The following CACUL1 variants were observed in gnomAD, a reference collection of about 807,000 sequenced individuals.
The protein encoded by CACUL1 is CDK2-associated and cullin domain-containing protein 1.
Under a neutral mutation model 45.2 loss-of-function variants are expected in CACUL1, and 13 were observed. The ratio of observed to expected loss-of-function variants is 0.29; its 90% confidence interval spans 0.19 to 0.46. The LOEUF (loss-of-function observed/expected upper bound fraction) is 0.46. Among genes scored for constraint, CACUL1 ranks in the 20% least tolerant of loss-of-function variants. The pLI is 1.00. For synonymous variants in CACUL1, 197 were observed against 174.2 expected (o/e 1.13, Z -1.03); for missense variants, 421 against 471.4 (o/e 0.89, Z 0.99).
At chr10:118,739,339 G>C (rs1845770776) in intron 1 of CACUL1, among the ~76,000 whole-genome samples, 2 of 151,872 alleles carry the variant, frequency 1.3e-5, no homozygotes, top group Non-Finnish European at 2.9e-5. Flanking sequence ...TAATTCCAGA[G>C]AAAACAGAAC....
rs1845158932 is a variant in CACUL1 at position 118,682,087 on chromosome 10, G to A, written c.*4041C>T. On this transcript the variant is annotated 3_prime_UTR_variant, in exon 9 of 9. Coordinates refer to ENST00000369151, the MANE Select transcript of CACUL1 (RefSeq NM_153810.5). ...CTATAAACCTGTAATAGATGTCAAA[G>A]GGATTCACATTCTGAACTTTAATTT... The A allele has an allele frequency of 6.6e-6, 1 of 152,150 alleles. No homozygotes were observed. The highest frequency in any genetic ancestry group is 6.5e-5 in the Admixed American group (1 of 15,280). 9.4% of individuals were successfully genotyped at this position (152,150 alleles called of 1,614,324 possible). A position where few individuals can be genotyped will look rare whatever the true frequency, so the allele number is the denominator to read the frequency against.
chr10:118,716,533 C>T (rs1368666963), intron 3 of CACUL1, among the ~76,000 whole-genome samples: 3 of 151,600 alleles, frequency 2.0e-5, no homozygotes, highest in East Asian at 3.9e-4. Context: ...CAGGTCTGCA[C>T]GGATACTTCT....
At position 118,683,890 on chromosome 10, in the gene CACUL1, G is replaced by A. The variant is rs941527159; in HGVS notation, c.*2238C>T. 1 of 152,168 alleles carries A rather than the reference G, an allele frequency of 6.6e-6. No individual in the cohort carries two copies. The highest frequency in any genetic ancestry group is 2.4e-5 in the African/African-American group (1 of 41,424). The allele number at this position is 152,168 out of a possible 1,614,324, so 9.4% of individuals were successfully genotyped here. On this transcript the variant is annotated 3_prime_UTR_variant, in exon 9 of 9. Transcript: ENST00000369151. Reference sequence around the variant, plus strand: ...ACTGTGATGTGCCTCAAGGGGCCAAGATGATTAACAGCCAGGACATGTAGA... The same window carrying A: ...ACTGTGATGTGCCTCAAGGGGCCAAAATGATTAACAGCCAGGACATGTAGA...
intron 3 of CACUL1, among the ~76,000 whole-genome samples, chr10:118,727,418 C>A (rs1413128161): frequency 4.2e-5 from 5 of 120,212 alleles, no homozygotes; most frequent in African/African-American, 9.1e-5. Flanking sequence ...AAAAAAAAAA[C>A]ACTAACATCA....
At chr10:118,713,329 G>C (rs994403651) in intron 3 of CACUL1, among the ~76,000 whole-genome samples, 3 of 152,218 alleles carry the variant, frequency 2.0e-5, no homozygotes, top group African/African-American at 7.2e-5. Flanking sequence ...CAAGAATGCA[G>C]GGATGCCTGA....
At chr10:118,702,761 T>TA (rs1237985862) in intron 4 of CACUL1, among the ~76,000 whole-genome samples, 4 of 152,078 alleles carry the variant, frequency 2.6e-5, no homozygotes, top group Non-Finnish European at 4.4e-5. Flanking sequence ...TTTGTATTTT[T>TA]AGTAGAGATG....
At chr10:118,727,564 A>G (rs1845663337) in intron 3 of CACUL1, among the ~76,000 whole-genome samples, 1 of 152,204 alleles carries the variant, frequency 6.6e-6, no homozygotes, top group South Asian at 2.1e-4. Flanking sequence ...TGATATATAC[A>G]GAACTGATGG....
intron 8 of CACUL1, among the ~76,000 whole-genome samples, chr10:118,686,372 C>T (rs1363657083): frequency 2.0e-5 from 3 of 152,144 alleles, no homozygotes; most frequent in Non-Finnish European, 4.4e-5. Context: ...ACGATGTCAT[C>T]CCAGTAGAAA....
chr10:118,722,832 C>T (rs1382426463), intron 3 of CACUL1, among the ~76,000 whole-genome samples: 1 of 152,224 alleles, frequency 6.6e-6, no homozygotes, highest in East Asian at 1.9e-4. Context: ...ACATGCCCAC[C>T]AGTGTGCCAT....
At chr10:118,753,455 A>G (rs1008318154) in intron 1 of CACUL1, among the ~76,000 whole-genome samples, 1 of 152,232 alleles carries the variant, frequency 6.6e-6, no homozygotes, top group African/African-American at 2.4e-5. Flanking sequence ...CTTGCAGTTA[A>G]TAATAGGAGA....
intron 5 of CACUL1, among the ~76,000 whole-genome samples, chr10:118,698,892 A>C (rs1845349458): frequency 6.9e-6 from 1 of 144,198 alleles, no homozygotes; most frequent in Non-Finnish European, 1.5e-5. Context: ...AGATTGTAGA[A>C]AGTTACAGAA....
In CACUL1 at chr10:118,691,590, G is replaced by A. The variant is rs748036021; in HGVS notation, c.887-187C>T. 110 of 521,996 alleles carry A rather than the reference G, an allele frequency of 2.1e-4. 1 individual carries two copies. Among genetic ancestry groups the A allele is most frequent in the Non-Finnish European group, 3.1e-4 (93 of 296,930 alleles). 32.3% of individuals were successfully genotyped at this position (521,996 alleles called of 1,614,324 possible). ...CCTTCTAAAAAGAATTTTACAGGCC[G>A]GGTGCGGCGGCTCACACCTGTAATC... On this transcript the variant is annotated intron_variant, in intron 6 of 8. Coordinates refer to ENST00000369151, the MANE Select transcript of CACUL1 (RefSeq NM_153810.5).
intron 5 of CACUL1, among the ~76,000 whole-genome samples, 181 bp downstream of exon 5, chr10:118,701,125 G>C (rs1339037198): frequency 6.6e-6 from 1 of 152,074 alleles, no homozygotes; most frequent in Admixed American, 6.5e-5. Context: ...AGCTCACCGG[G>C]TGACCTTCAA....
chr10:118,754,652 T>G lies in CACUL1; in HGVS notation c.111A>C (p.Pro37=), dbSNP rs776674934. ...GGATCGACGAGGGGGGCGGCGGAGGTGGCAGGGGCTGCCGGAAGCCGTCCA... is the reference window on the plus strand; with the variant it reads ...GGATCGACGAGGGGGGCGGCGGAGGGGGCAGGGGCTGCCGGAAGCCGTCCA... The part of the protein sequence containing the change: ...AAVDGFRQPL[P]PPPPPSSIPA... Residue 37 remains proline (P), a synonymous_variant, in exon 1 of 9, where the codon CCA becomes CCC. Coordinates refer to ENST00000369151, the MANE Select transcript of CACUL1 (RefSeq NM_153810.5). 6.2e-7 allele frequency: 1 copy of G among 1,605,222 alleles called. No homozygotes were observed. The highest frequency in any genetic ancestry group is 1.1e-5 in the South Asian group (1 of 90,584).
At chr10:118,733,018 C>G (rs950081259) in intron 1 of CACUL1, among the ~76,000 whole-genome samples, 4 of 152,074 alleles carry the variant, frequency 2.6e-5, no homozygotes, top group African/African-American at 9.7e-5. Flanking sequence ...GTAGTAACAC[C>G]AGTAATTAAC....
At chr10:118,707,781 G>T (rs1247933692) in intron 3 of CACUL1, among the ~76,000 whole-genome samples, 194 bp from the exon 4 acceptor site, 1 of 151,358 alleles carries the variant, frequency 6.6e-6, no homozygotes, top group African/African-American at 2.4e-5. Flanking sequence ...ATGTAAAACT[G>T]AAGTTTAGCC....
intron 8 of CACUL1, 84 bp from the exon 9 acceptor site, chr10:118,686,252 TCTCA>T: frequency 3.6e-6 from 4 of 1,125,690 alleles, no homozygotes; most frequent in Non-Finnish European, 5.4e-6. Flanking sequence ...AACACACATT[TCTCA>T]CTCCTCTCCC....
At chr10:118,743,383 G>A (rs1845809981) in intron 1 of CACUL1, among the ~76,000 whole-genome samples, 1 of 151,836 alleles carries the variant, frequency 6.6e-6, no homozygotes, top group Non-Finnish European at 1.5e-5. Flanking sequence ...ATAAAAAATT[G>A]CGGAAAACTT....
intron 1 of CACUL1, among the ~76,000 whole-genome samples, chr10:118,752,166 C>T (rs887197009): frequency 1.3e-5 from 2 of 151,880 alleles, no homozygotes; most frequent in Admixed American, 6.6e-5. Flanking sequence ...TTTTTTTGCT[C>T]CTTATAATGT....
Sources: allele counts gnomAD v4.1 joint callset (sites outside exome capture counted in the v4.1 genomes callset), GRCh38; gene constraint gnomAD v4.1.1; transcripts MANE v1.5; gene names NCBI Gene and HGNC (gene_info 2026-07-23, HGNC 2026-07-21).